POLDIP3: variants seen among roughly 807,000 people sequenced by gnomAD.
POLDIP3 encodes the protein polymerase delta-interacting protein 3.
Under a neutral mutation model 45.1 loss-of-function variants are expected in POLDIP3, and 14 were observed. The observed-to-expected ratio is 0.31, with a 90% CI of 0.20 to 0.49. The LOEUF is 0.49. Ranked by LOEUF, POLDIP3 falls within the 20% of genes least tolerant of loss-of-function variation. POLDIP3 has a pLI of 0.99. For synonymous variants in POLDIP3, 223 were observed against 205.2 expected (o/e 1.09, Z -0.74); for missense variants, 511 against 538.8 (o/e 0.95, Z 0.51).
intron 4 of POLDIP3, 133 bp downstream of exon 4, chr22:42,599,565 T>C (rs1338680707): frequency 7.1e-6 from 5 of 704,044 alleles, no homozygotes; most frequent in East Asian, 2.8e-5. Flanking sequence ...GATTGCGCCA[T>C]TGCACTCCAG....
chr22:42,614,738 C>A, intron 1 of POLDIP3, 61 bp downstream of exon 1: 1 of 1,573,744 alleles, frequency 6.4e-7, no homozygotes, highest in East Asian at 2.2e-5. Context: ...CGCTACCTCC[C>A]CCGCCTCGAG....
chr22:42,606,052 G>T (rs1475175415), intron 1 of POLDIP3, among the ~76,000 whole-genome samples: 1 of 152,172 alleles, frequency 6.6e-6, no homozygotes, highest in African/African-American at 2.4e-5. Flanking sequence ...TGAGGCAGGA[G>T]AATCAGTTGA....
intron 4 of POLDIP3, chr22:42,597,631 G>A (rs1230921164): frequency 4.4e-6 from 2 of 452,144 alleles, no homozygotes; most frequent in South Asian, 1.6e-5. Flanking sequence ...TATAAATATG[G>A]CATTTATTCA....
At chr22:42,614,485 G>A (rs1353322682) in intron 1 of POLDIP3, among the ~76,000 whole-genome samples, 1 of 152,182 alleles carries the variant, frequency 6.6e-6, no homozygotes, top group Non-Finnish European at 1.5e-5. Flanking sequence ...AGGCAAGGAG[G>A]CTGCGCCGCC....
At chr22:42,592,894 T>G (rs1925756143) in intron 6 of POLDIP3, among the ~76,000 whole-genome samples, 2 of 152,334 alleles carry the variant, frequency 1.3e-5, no homozygotes, top group Admixed American at 6.5e-5. Flanking sequence ...TGCAACTGCC[T>G]TCACAAGGTT....
chr22:42,607,483 C>T (rs1027756382), intron 1 of POLDIP3, among the ~76,000 whole-genome samples: 1 of 152,256 alleles, frequency 6.6e-6, no homozygotes, highest in Non-Finnish European at 1.5e-5. Flanking sequence ...AGCCGCCTGC[C>T]TTGGCCTCCC....
At chr22:42,614,570 G>A (rs894095873) in intron 1 of POLDIP3, among the ~76,000 whole-genome samples, 1 of 152,086 alleles carries the variant, frequency 6.6e-6, no homozygotes, top group Non-Finnish European at 1.5e-5. Flanking sequence ...CCCTGTCCCC[G>A]CCGCGGCCCC....
intron 6 of POLDIP3, among the ~76,000 whole-genome samples, chr22:42,593,870 A>C (rs1235572695): frequency 6.6e-6 from 1 of 152,192 alleles, no homozygotes; most frequent in Non-Finnish European, 1.5e-5. Context: ...ATAGGCTACA[A>C]TTTCCATCCT....
chr22:42,592,458 G>A (rs879412115), intron 6 of POLDIP3, among the ~76,000 whole-genome samples: 1 of 152,228 alleles, frequency 6.6e-6, no homozygotes, highest in Admixed American at 6.5e-5. Context: ...TGTCACCTGA[G>A]AATCTGTTAC....
intron 4 of POLDIP3, among the ~76,000 whole-genome samples, chr22:42,597,037 A>G (rs1926037401): frequency 6.6e-6 from 1 of 152,176 alleles, no homozygotes; most frequent in East Asian, 1.9e-4. Flanking sequence ...AAGGCCCAGA[A>G]TTCAGTGTTT....
chr22:42,591,877 T>A lies in POLDIP3; in HGVS notation c.1021+78A>T, dbSNP rs1025951448. The A allele has an allele frequency of 5.4e-5, 86 of 1,585,254 alleles. No individual in the cohort carries two copies. In the African/African-American group the frequency reaches 9.9e-4, roughly 18 times the overall value. On this transcript the variant is annotated intron_variant, in intron 7 of 8. Transcript: ENST00000252115. The stretch of plus-strand genomic sequence containing the variant: ...TGGGTTCCACCCATCTCACAGAGAC[T>A]TCCCCTGGAAGGCCTGCTACCTGAC...
intron 1 of POLDIP3, among the ~76,000 whole-genome samples, chr22:42,609,747 G>A (rs985069944): frequency 1.3e-5 from 2 of 151,960 alleles, no homozygotes; most frequent in East Asian, 1.9e-4. Context: ...AAAGCTTCTG[G>A]GTTAGGGGGT....
chr22:42,608,261 C>CA (rs1254064336), intron 1 of POLDIP3, among the ~76,000 whole-genome samples: 11 of 131,418 alleles, frequency 8.4e-5, no homozygotes, highest in African/African-American at 3.1e-4. Context: ...TTACCCCCCC[C>CA]CCCAAAAAAA....
chr22:42,589,242 C>CAAA lies in POLDIP3; in HGVS notation c.1022-1673_1022-1671dup, dbSNP rs548287361. ...TGGGCGACAGAGCGAGACTCCGTCT[C>CAAA]AAAAAAAAAAAAAAAAAGTGAACAA... is the stretch of plus-strand genomic sequence containing the variant. On this transcript the variant is annotated intron_variant, in intron 7 of 8. Coordinates refer to ENST00000252115, the MANE Select transcript of POLDIP3 (RefSeq NM_032311.5). 9.3e-5 allele frequency among the ~76,000 whole-genome samples: 6 copies of CAAA among 64,694 alleles called. No individual in the cohort carries two copies. In the South Asian group the frequency reaches 2.2e-3, roughly 24 times the overall value. 42.4% of individuals were successfully genotyped at this position (64,694 alleles called of 152,430 possible). A position where few individuals can be genotyped will look rare whatever the true frequency, so the allele number is the denominator to read the frequency against.
At chr22:42,589,211 C>T (rs1925511493) in intron 7 of POLDIP3, among the ~76,000 whole-genome samples, 1 of 150,852 alleles carries the variant, frequency 6.6e-6, no homozygotes, top group East Asian at 1.9e-4. Flanking sequence ...CCACTGCATT[C>T]CAGCCTGGGC....
intron 3 of POLDIP3, 24 bp from the exon 4 acceptor site, chr22:42,599,817 A>G (rs540836034): frequency 6.5e-7 from 1 of 1,547,168 alleles, no homozygotes. Flanking sequence ...ATAAAGAAAT[A>G]TAAGCAAATG....
intron 1 of POLDIP3, among the ~76,000 whole-genome samples, chr22:42,609,371 G>A (rs1926978170): frequency 6.6e-6 from 1 of 152,194 alleles, no homozygotes; most frequent in South Asian, 2.1e-4. Flanking sequence ...CGAGGTCCTG[G>A]CAAGAGCGCT....
chr22:42,611,276 T>G (rs1006796838), intron 1 of POLDIP3, among the ~76,000 whole-genome samples: 1 of 152,164 alleles, frequency 6.6e-6, no homozygotes, highest in Non-Finnish European at 1.5e-5. Context: ...TGCCTTAGCC[T>G]CCCACACAGC....
Position 42,583,806 on chromosome 22 carries a change from C to G in POLDIP3, c.*1985G>C, listed in dbSNP as rs1263006380. 1 of 152,148 alleles carries G rather than the reference C, an allele frequency of 6.6e-6. No individual in the cohort carries two copies. Among genetic ancestry groups the G allele is most frequent in the Non-Finnish European group, 1.5e-5 (1 of 68,048 alleles). The allele number at this position is 152,148 out of a possible 1,614,324, so 9.4% of individuals were successfully genotyped here. ...TAATGCCCCTTCCTCTCCTTCTGCA[C>G]AGGAGACACAGATGGGTAACATAGA... On this transcript the variant is annotated 3_prime_UTR_variant, in exon 9 of 9. Transcript: ENST00000252115.
Sources: allele counts gnomAD v4.1 joint callset (sites outside exome capture counted in the v4.1 genomes callset), GRCh38; gene constraint gnomAD v4.1.1; transcripts MANE v1.5; gene names NCBI Gene and HGNC (gene_info 2026-07-23, HGNC 2026-07-21).